The following HIVEP1 variants were observed in gnomAD, a reference collection of about 807,000 sequenced individuals.
The protein encoded by HIVEP1 is HIVEP zinc finger 1.
HIVEP1 carries 36 observed loss-of-function variants against 180.0 expected under a neutral mutation model. The observed-to-expected ratio is 0.20, with a 90% CI of 0.15 to 0.26. HIVEP1 has a LOEUF of 0.26. Among genes scored for constraint, HIVEP1 ranks in the 10% least tolerant of loss-of-function variants. HIVEP1 has a pLI of 1.00. For synonymous variants in HIVEP1, 1,239 were observed against 1,239.0 expected (o/e 1.00, Z 0.00); for missense variants, 3,143 against 3,268.7 (o/e 0.96, Z 0.94).
chr6:12,064,145 A>G (rs899170883), intron 2 of HIVEP1, among the ~76,000 whole-genome samples: 3 of 152,162 alleles, frequency 2.0e-5, no homozygotes, highest in African/African-American at 7.2e-5. Context: ...TTGGACACCA[A>G]ATAAATTTTT....
chr6:12,205,288 G>A, the HIVEP1 span, among the ~76,000 whole-genome samples: 11 of 152,106 alleles, frequency 7.2e-5, no homozygotes, highest in African/African-American at 1.7e-4. Context: ...TGGCTAACAC[G>A]GTGAAACCCC....
intron 7 of HIVEP1, among the ~76,000 whole-genome samples, chr6:12,150,739 C>T (rs184678622): frequency 1.5e-3 from 225 of 152,196 alleles, no homozygotes; most frequent in African/African-American, 5.2e-3. Context: ...TAAAGTTAAA[C>T]ATTAAACTCT....
Position 12,105,967 on chromosome 6 carries a change from T to G in HIVEP1, c.95-13923T>G, listed in dbSNP as rs367624983. 3.9e-5 allele frequency among the ~76,000 whole-genome samples: 6 copies of G among 151,912 alleles called. No individual in the cohort carries two copies. In the East Asian group the frequency reaches 1.2e-3, roughly 29 times the overall value. ...CCCAAAAATTTTGAAATATGGCACC[T>G]TTTTCATTTACTAAGTACATATATA... On this transcript the variant is annotated intron_variant, in intron 3 of 8. Transcript: ENST00000379388.
intron 1 of HIVEP1, among the ~76,000 whole-genome samples, chr6:12,015,011 G>A (rs1350686083): frequency 1.3e-5 from 2 of 152,162 alleles, no homozygotes; most frequent in South Asian, 2.1e-4. Context: ...AGTCTCATCC[G>A]CTCACAGGTC....
the HIVEP1 span, among the ~76,000 whole-genome samples, chr6:12,185,004 T>C: frequency 6.6e-6 from 1 of 152,352 alleles, no homozygotes; most frequent in South Asian, 2.1e-4. Context: ...GAAACATTTT[T>C]ATATTAAAAA....
At chr6:12,031,773 G>A (rs1768958884) in intron 2 of HIVEP1, among the ~76,000 whole-genome samples, 1 of 152,192 alleles carries the variant, frequency 6.6e-6, no homozygotes, top group African/African-American at 2.4e-5. Context: ...GACAGTGGTG[G>A]TTCTTGACAG....
chr6:12,028,742 G>A (rs55839618), intron 2 of HIVEP1, among the ~76,000 whole-genome samples: 6,425 of 152,162 alleles, frequency 0.042, 181 homozygotes, highest in Middle Eastern at 0.16. Context: ...AAATTCACCC[G>A]TTTTAAGTGT....
At chr6:12,163,235 G>A (rs760089866) in intron 8 of HIVEP1, 48 bp from the exon 9 acceptor site, 1 of 1,369,976 alleles carries the variant, frequency 7.3e-7, no homozygotes, top group Non-Finnish European at 1.0e-6. Context: ...ATATCTCAGT[G>A]ATTACAAAAG....
rs572714524 is a variant in HIVEP1, at chr6:12,113,763, G to A, written c.95-6127G>A. On this transcript the variant is annotated intron_variant, in intron 3 of 8. Transcript: ENST00000379388. Reference sequence around the variant, plus strand: ...TGCATTTTCCTGCTCACCTTGTCATGCTGTTCCCTAACTGGAAAGGACTTG... The same window carrying A: ...TGCATTTTCCTGCTCACCTTGTCATACTGTTCCCTAACTGGAAAGGACTTG... Among the ~76,000 whole-genome samples, 69 of 152,180 alleles carry A rather than the reference G, an allele frequency of 4.5e-4. No individual in the cohort carries two copies. The South Asian group carries it at 0.014, about 32-fold the overall frequency.
intron 2 of HIVEP1, among the ~76,000 whole-genome samples, chr6:12,030,607 T>C (rs1768879239): frequency 6.6e-6 from 1 of 152,214 alleles, no homozygotes; most frequent in African/African-American, 2.4e-5. Flanking sequence ...AACTCTAGAA[T>C]TTCTATTTGC....
At chr6:12,130,127 C>T (rs1476253285) in intron 5 of HIVEP1, among the ~76,000 whole-genome samples, 1 of 152,086 alleles carries the variant, frequency 6.6e-6, no homozygotes, top group Non-Finnish European at 1.5e-5. Context: ...CAGCTAAAAA[C>T]TAAATTATTA....
intron 3 of HIVEP1, among the ~76,000 whole-genome samples, chr6:12,092,890 C>G (rs1030897797): frequency 6.6e-6 from 1 of 152,174 alleles, no homozygotes; most frequent in Non-Finnish European, 1.5e-5. Context: ...GAGCAGCAAG[C>G]TCGTACAGGC....
chr6:12,084,565 CACTT>C (rs138116261), intron 2 of HIVEP1, among the ~76,000 whole-genome samples: 2,218 of 152,202 alleles, frequency 0.015, 21 homozygotes, highest in Middle Eastern at 0.024. Context: ...ATTGAAATAA[CACTT>C]ACAGTTCACA....
At chr6:12,143,083 A>G (rs1653743645) in intron 7 of HIVEP1, among the ~76,000 whole-genome samples, 1 of 152,248 alleles carries the variant, frequency 6.6e-6, no homozygotes, top group Non-Finnish European at 1.5e-5. Flanking sequence ...CATAACAAAA[A>G]AAAGAGAATT....
Position 12,122,505 on chromosome 6 carries a change from G to T in HIVEP1, c.2710G>T (p.Asp904Tyr). ...ACTTGTGAGACAAGCAGCCATAGAAGACTCTTCAGCAAATGAAAGTCATGT... is the reference window on the plus strand; with the variant it reads ...ACTTGTGAGACAAGCAGCCATAGAATACTCTTCAGCAAATGAAAGTCATGT... ...RTLVRQAAIE[D>Y]SSANESHVLG... The change falls in exon 4 of 9, where the codon GAC becomes TAC. Residue 904 changes from aspartate to tyrosine, a missense_variant. By Grantham distance (160) the Asp-to-Tyr change is radical. Transcript: ENST00000379388. 1 of 1,614,220 alleles carries T rather than the reference G, an allele frequency of 6.2e-7. No individual in the cohort carries two copies. The highest frequency in any genetic ancestry group is 1.1e-5 in the South Asian group (1 of 91,080).
At chr6:12,103,356 T>G (rs1014900391) in intron 3 of HIVEP1, among the ~76,000 whole-genome samples, 1 of 152,072 alleles carries the variant, frequency 6.6e-6, no homozygotes, top group South Asian at 2.1e-4. Flanking sequence ...GGCTCAATAA[T>G]AGAACTTACC....
chr6:12,206,775 G>C, the HIVEP1 span, among the ~76,000 whole-genome samples: 4 of 152,282 alleles, frequency 2.6e-5, no homozygotes, highest in Admixed American at 2.6e-4. Flanking sequence ...TTTGCCAAAT[G>C]TCTAGTGAAG....
chr6:12,094,954 A>AT (rs941495730), intron 3 of HIVEP1, among the ~76,000 whole-genome samples: 2 of 152,018 alleles, frequency 1.3e-5, no homozygotes, highest in Admixed American at 6.6e-5. Flanking sequence ...ACAATAAGGG[A>AT]TTATCCAAAC....
Position 12,123,185 on chromosome 6 carries a change from A to C in HIVEP1, c.3390A>C (p.Gly1130=). 6.2e-7 allele frequency: 1 copy of C among 1,614,192 alleles called. No homozygotes were observed. The highest frequency in any genetic ancestry group is 2.2e-5 in the East Asian group (1 of 44,886). Residue 1130 remains glycine (G), a synonymous_variant, in exon 4 of 9, where the codon GGA becomes GGC. Coordinates refer to ENST00000379388, the MANE Select transcript of HIVEP1 (RefSeq NM_002114.4). The stretch of plus-strand genomic sequence containing the variant: ...ACAAGATAGAACTGCAGAGACACGG[A>C]ACTGGAATCTCTGTCATCCAGCACA... ...AQDKIELQRH[G]TGISVIQHTN... is the part of the protein sequence containing the mutation.
Sources: gnomAD v4.1 joint callset for allele counts (sites outside exome capture counted in the v4.1 genomes callset) on GRCh38, gnomAD v4.1.1 for gene constraint, MANE v1.5 for transcripts, NCBI Gene and HGNC (gene_info 2026-07-23, HGNC 2026-07-21) for gene names.